Variants in ASAP1 observed in about 807,000 individuals in gnomAD.
The protein encoded by ASAP1 is arf-GAP with SH3 domain, ANK repeat and PH domain-containing protein 1.
In ASAP1, 43 loss-of-function variants were observed where a neutral mutation model predicts 145.2. The observed-to-expected ratio is 0.30, with a 90% CI of 0.23 to 0.38. The LOEUF (loss-of-function observed/expected upper bound fraction) is 0.38. ASAP1 is among the 10% of genes least tolerant of loss of function. The pLI, the probability that ASAP1 is intolerant of heterozygous loss-of-function variation, is 1.00. For synonymous variants in ASAP1, 546 were observed against 515.5 expected (o/e 1.06, Z -0.80); for missense variants, 1,018 against 1,355.3 (o/e 0.75, Z 3.91).
chr8:130,185,995 T>C (rs1280438470), intron 7 of ASAP1, among the ~76,000 whole-genome samples: 1 of 152,202 alleles, frequency 6.6e-6, no homozygotes, highest in Admixed American at 6.5e-5. Context: ...TGTTCCTATA[T>C]CCTACAAAGA....
chr8:130,232,823 A>G (rs772024898), intron 4 of ASAP1, among the ~76,000 whole-genome samples: 31 of 152,034 alleles, frequency 2.0e-4, no homozygotes, highest in Non-Finnish European at 3.1e-4. Flanking sequence ...AAAATATCAC[A>G]TGGGTTTTGT....
chr8:130,281,477 T>C (rs1311141639), intron 3 of ASAP1, among the ~76,000 whole-genome samples: 2 of 152,228 alleles, frequency 1.3e-5, no homozygotes, highest in Admixed American at 6.5e-5. Context: ...CAGGGCTTTC[T>C]ACCTTCTAAG....
At chr8:130,167,489 G>T in intron 11 of ASAP1, 47 bp downstream of exon 11, 1 of 1,474,934 alleles carries the variant, frequency 6.8e-7, no homozygotes, top group Non-Finnish European at 9.5e-7. Context: ...ATTACAAGCA[G>T]CCTTACCTAC....
chr8:130,357,031 TGC>T (rs966803821), intron 3 of ASAP1, among the ~76,000 whole-genome samples: 1 of 152,212 alleles, frequency 6.6e-6, no homozygotes, highest in African/African-American at 2.4e-5. Flanking sequence ...AGGGGAGGGA[TGC>T]TTTATGGCAC....
intron 27 of ASAP1, among the ~76,000 whole-genome samples, chr8:130,064,278 G>T (rs951925007): frequency 1.3e-5 from 2 of 152,154 alleles, no homozygotes; most frequent in Admixed American, 6.5e-5. Context: ...CGGTGGAGAT[G>T]ATGAGAAGTG....
chr8:130,263,320 C>G (rs771529823), intron 3 of ASAP1, among the ~76,000 whole-genome samples: 28 of 152,132 alleles, frequency 1.8e-4, no homozygotes, highest in Non-Finnish European at 3.8e-4. Flanking sequence ...TCAGATCCCA[C>G]CCTCTCAGGA....
intron 3 of ASAP1, among the ~76,000 whole-genome samples, chr8:130,312,718 T>C (rs1001106844): frequency 2.0e-5 from 3 of 152,224 alleles, no homozygotes; most frequent in African/African-American, 7.2e-5. Flanking sequence ...GGATCTGAAC[T>C]GATCTTTCTG....
At chr8:130,323,782 T>C (rs895977359) in intron 3 of ASAP1, among the ~76,000 whole-genome samples, 1 of 152,190 alleles carries the variant, frequency 6.6e-6, no homozygotes, top group Non-Finnish European at 1.5e-5. Flanking sequence ...AGCAGATCTT[T>C]GATAAACAAT....
Position 130,112,482 on chromosome 8 carries a change from A to C in ASAP1, c.2173-160T>G. ...GAGCCTCATGATGCTGACACAGTACAAGGGAAGGATCTAGATACCACACTT... is the reference window on the plus strand; with the variant it reads ...GAGCCTCATGATGCTGACACAGTACCAGGGAAGGATCTAGATACCACACTT... On this transcript the variant is annotated intron_variant, in intron 23 of 29. Transcript: ENST00000518721. 4 of 601,286 alleles carry C rather than the reference A, an allele frequency of 6.7e-6. No individual in the cohort carries two copies. The South Asian group carries it at 8.0e-5, about 12-fold the overall frequency. 37.2% of individuals were successfully genotyped at this position (601,286 alleles called of 1,614,324 possible).
Position 130,167,702 on chromosome 8 carries a change from A to C in ASAP1, c.823-80T>G, listed in dbSNP as rs538310642. ...TTTAATTTATCCAAAAATACCACTCATCAAAATTCTATTATATATTTGGTT... is the reference window on the plus strand; with the variant it reads ...TTTAATTTATCCAAAAATACCACTCCTCAAAATTCTATTATATATTTGGTT... On this transcript the variant is annotated intron_variant, in intron 10 of 29. Transcript: ENST00000518721. 8 of 1,009,080 alleles carry C rather than the reference A, an allele frequency of 7.9e-6. No individual in the cohort carries two copies. The African/African-American group carries it at 9.7e-5, about 12-fold the overall frequency. The allele number at this position is 1,009,080 out of a possible 1,614,324, so 62.5% of individuals were successfully genotyped here.
chr8:130,071,011 G>GAGAGAGAGAGAGAGA lies in ASAP1; in HGVS notation c.2701+5336_2701+5337insTCTCTCTCTCTCTCT, dbSNP rs1415476694. 1.1e-3 allele frequency among the ~76,000 whole-genome samples: 13 copies of GAGAGAGAGAGAGAGA among 11,438 alleles called. 4 individuals carry two copies. Among genetic ancestry groups the GAGAGAGAGAGAGAGA allele is most frequent in the African/African-American group, 5.4e-3 (12 of 2,234 alleles). 7.5% of individuals were successfully genotyped at this position (11,438 alleles called of 152,430 possible). On this transcript the variant is annotated intron_variant, in intron 27 of 29. Coordinates refer to ENST00000518721, the MANE Select transcript of ASAP1 (RefSeq NM_018482.4). ...AGAGAGAGAGAGAGAGGGGAGGGGG[G>GAGAGAGAGAGAGAGA]GAGAGAGAGAGAGAGAGAGAGAGAG... is the stretch of plus-strand genomic sequence containing the variant.
intron 3 of ASAP1, among the ~76,000 whole-genome samples, chr8:130,346,333 G>A (rs1025789088): frequency 6.6e-6 from 1 of 152,170 alleles, no homozygotes. Flanking sequence ...ATGGCCATCC[G>A]GTTGGTATTT....
At chr8:130,190,805 C>T (rs991571966) in intron 5 of ASAP1, among the ~76,000 whole-genome samples, 2 of 152,090 alleles carry the variant, frequency 1.3e-5, no homozygotes, top group South Asian at 2.1e-4. Flanking sequence ...CGTGAGCCAC[C>T]GCACCTGGCC....
At chr8:130,143,794 G>A (rs1372694083) in intron 13 of ASAP1, among the ~76,000 whole-genome samples, 1 of 152,202 alleles carries the variant, frequency 6.6e-6, no homozygotes, top group Non-Finnish European at 1.5e-5. Flanking sequence ...GTGCACCATG[G>A]TTCCAGTGTT....
chr8:130,203,004 G>A (rs1200459215), intron 5 of ASAP1, among the ~76,000 whole-genome samples: 2 of 151,970 alleles, frequency 1.3e-5, no homozygotes, highest in Non-Finnish European at 2.9e-5. Context: ...AAGGGGAAGT[G>A]GCAACCAGCT....
At chr8:130,382,110 C>A (rs1327597783) in intron 2 of ASAP1, among the ~76,000 whole-genome samples, 3 of 151,966 alleles carry the variant, frequency 2.0e-5, no homozygotes, top group South Asian at 4.1e-4. Flanking sequence ...CACGGTGAAA[C>A]CCCGTCTCTA....
At chr8:130,187,360 C>G (rs1814804744) in intron 6 of ASAP1, 75 bp from the exon 7 acceptor site, 2 of 1,238,628 alleles carry the variant, frequency 1.6e-6, no homozygotes, top group Non-Finnish European at 2.3e-6. Flanking sequence ...GAAATGACAT[C>G]TTAGCAAGAA....
chr8:130,207,554 C>A (rs1194284033), intron 5 of ASAP1, among the ~76,000 whole-genome samples: 1 of 152,026 alleles, frequency 6.6e-6, no homozygotes, highest in Non-Finnish European at 1.5e-5. Flanking sequence ...TAAATGAACA[C>A]AAGGAGGGAT....
Position 130,187,228 on chromosome 8 carries a change from C to A in ASAP1, c.530+8G>T, listed in dbSNP as rs535381767. On this transcript the variant is annotated splice_region_variant and intron_variant, in intron 7 of 29. Transcript: ENST00000518721. ...ACAAACAAAAACTCTAAACAAAAAA[C>A]CACTTACAACTTTGTCTCATAATCT... is the stretch of plus-strand genomic sequence containing the variant. 3 of 1,597,294 alleles carry A rather than the reference C, an allele frequency of 1.9e-6. No homozygotes were observed. The highest frequency in any genetic ancestry group is 2.2e-5 in the East Asian group (1 of 44,494).
Sources: allele counts gnomAD v4.1 joint callset (sites outside exome capture counted in the v4.1 genomes callset), GRCh38; gene constraint gnomAD v4.1.1; transcripts MANE v1.5; gene names NCBI Gene and HGNC (gene_info 2026-07-23, HGNC 2026-07-21).